Variants in ZNF143 observed in about 807,000 individuals in gnomAD.
ZNF143 encodes zinc finger protein 143.
Under a neutral mutation model 74.1 loss-of-function variants are expected in ZNF143, and 49 were observed. That is an observed-to-expected ratio of 0.66 (90% CI 0.53 to 0.84). ZNF143 has a LOEUF of 0.84. Among genes scored for constraint, ZNF143 ranks in the 40% least tolerant of loss-of-function variants. ZNF143 has a pLI of 0.00. For missense variants in ZNF143, 637 were observed against 793.4 expected (o/e 0.80, Z 2.37); for synonymous variants, 304 against 282.8 (o/e 1.07, Z -0.75).
chr11:9,465,335 C>T (rs910953614), intron 1 of ZNF143, among the ~76,000 whole-genome samples: 1 of 151,736 alleles, frequency 6.6e-6, no homozygotes, highest in Non-Finnish European at 1.5e-5. Context: ...TACAGAAGCA[C>T]GCCACCATGC....
intron 7 of ZNF143, among the ~76,000 whole-genome samples, chr11:9,486,213 TG>T (rs1413998078): frequency 2.7e-5 from 4 of 146,158 alleles, no homozygotes; most frequent in African/African-American, 1.0e-4. Context: ...TAAATGCAAC[TG>T]CTCAATAAAT....
chr11:9,473,752 A>G lies in ZNF143; in HGVS notation c.206-189A>G, dbSNP rs891434025. On this transcript the variant is annotated intron_variant, in intron 3 of 15. Transcript: ENST00000396602. Reference sequence around the variant, plus strand: ...AATTGCAGGGGAGGAAGGATGGCTGAGGGAGGATTTTCTGCTTTCTGTAGG... The same window carrying G: ...AATTGCAGGGGAGGAAGGATGGCTGGGGGAGGATTTTCTGCTTTCTGTAGG... 10 of 1,519,460 alleles carry G rather than the reference A, an allele frequency of 6.6e-6. No individual in the cohort carries two copies. In the African/African-American group the frequency reaches 1.4e-4, roughly 21 times the overall value. The allele number at this position is 1,519,460 out of a possible 1,614,324, so 94.1% of individuals were successfully genotyped here.
chr11:9,485,321 C>A (rs1847426890), intron 7 of ZNF143, among the ~76,000 whole-genome samples: 1 of 137,366 alleles, frequency 7.3e-6, no homozygotes, highest in South Asian at 2.3e-4. Flanking sequence ...TAGAAATCTG[C>A]TTTGTTGTTG....
rs1348539442 is a variant in ZNF143 at position 9,478,601 on chromosome 11, A to T, written c.570+15A>T. On this transcript the variant is annotated intron_variant, in intron 6 of 15. Transcript: ENST00000396602. The stretch of plus-strand genomic sequence containing the variant: ...ATGCAGCAAAGGTATAGCATTTCAC[A>T]ATGTCAAGAATGTTGCAGATATAGC... 1.3e-6 allele frequency: 2 copies of T among 1,591,472 alleles called. No homozygotes were observed. The highest frequency in any genetic ancestry group is 3.4e-5 in the Admixed American group (2 of 59,376).
intron 14 of ZNF143, among the ~76,000 whole-genome samples, chr11:9,520,622 C>T (rs568483598): frequency 6.6e-6 from 1 of 152,122 alleles, no homozygotes; most frequent in Admixed American, 6.5e-5. Context: ...GAAACCCTGG[C>T]TCTACTAAAA....
rs766605120 is a variant in ZNF143 at position 9,474,004 on chromosome 11, A to G, written c.269A>G (p.His90Arg). 1.9e-6 allele frequency: 3 copies of G among 1,613,360 alleles called. No individual in the cohort carries two copies. Among genetic ancestry groups the G allele is most frequent in the Non-Finnish European group, 2.5e-6 (3 of 1,179,480 alleles). ...GATGGTTCTGCGGCCTATGTTCAACATGTACCCATACCTAAAAGTAGTAAG... is the reference window on the plus strand; with the variant it reads ...GATGGTTCTGCGGCCTATGTTCAACGTGTACCCATACCTAAAAGTAGTAAG... ...LEDGSAAYVQHVPIPKSTGDS... is the reference protein window; with the variant it reads ...LEDGSAAYVQRVPIPKSTGDS... Residue 90 changes from histidine to arginine, a missense_variant, in exon 4 of 16, where the codon CAT (histidine) becomes CGT (arginine). His to Arg is a conservative substitution (Grantham distance 29, BLOSUM62 0). Transcript: ENST00000396602.
intron 11 of ZNF143, among the ~76,000 whole-genome samples, chr11:9,507,865 G>A (rs1421260709): frequency 3.3e-5 from 5 of 152,174 alleles, no homozygotes; most frequent in African/African-American, 1.2e-4. Context: ...GGAAGAAGGG[G>A]GAAATGGGTA....
At chr11:9,461,542 G>A (rs961693128) in intron 1 of ZNF143, 2 of 152,224 alleles carry the variant, frequency 1.3e-5, no homozygotes, top group South Asian at 4.1e-4. Context: ...GCCGGGGACA[G>A]GGCTGGCCCA....
intron 7 of ZNF143, among the ~76,000 whole-genome samples, chr11:9,484,544 T>C (rs971867813): frequency 2.7e-5 from 4 of 150,550 alleles, no homozygotes; most frequent in African/African-American, 9.9e-5. Context: ...TCTCTTTTTT[T>C]CTACCTCTAA....
chr11:9,485,624 G>A lies in ZNF143; in HGVS notation c.645+6078G>A, dbSNP rs977060468. The stretch of plus-strand genomic sequence containing the variant: ...GGCCTCCCAAAGATTATAGGCAGGA[G>A]CCACCGTGCCTGGCCTTGTTTTTGT... On this transcript the variant is annotated intron_variant, in intron 7 of 15. Coordinates refer to ENST00000396602, the MANE Select transcript of ZNF143 (RefSeq NM_003442.6). Among the ~76,000 whole-genome samples the A allele has an allele frequency of 1.8e-4, 27 of 151,498 alleles. 4 individuals carry two copies. Among genetic ancestry groups the A allele is most frequent in the African/African-American group, 6.6e-4 (27 of 40,838 alleles).
At chr11:9,518,482 G>A (rs2134225241) in intron 14 of ZNF143, among the ~76,000 whole-genome samples, 1 of 152,346 alleles carries the variant, frequency 6.6e-6, no homozygotes, top group East Asian at 1.9e-4. Flanking sequence ...GGAGGCCGAG[G>A]TGGGTGGATC....
chr11:9,520,713 C>T (rs956946862), intron 14 of ZNF143, among the ~76,000 whole-genome samples: 15 of 152,226 alleles, frequency 9.9e-5, no homozygotes, highest in African/African-American at 2.9e-4. Context: ...TGCTTGAACC[C>T]GGTAGGTGGA....
At position 9,478,281 on chromosome 11, in the gene ZNF143, G is replaced by A. The variant is rs76140415; in HGVS notation, c.374-109G>A. The A allele has an allele frequency of 2.2e-4, 245 of 1,109,206 alleles. 1 individual carries two copies. The African/African-American group carries it at 3.2e-3, about 14-fold the overall frequency. The allele number at this position is 1,109,206 out of a possible 1,614,324, so 68.7% of individuals were successfully genotyped here. On this transcript the variant is annotated intron_variant, in intron 5 of 15. Transcript: ENST00000396602. ...TAACACATATCAAGTGCGTGGTCCA[G>A]TACTCAGAGTAACTACTCAATAAAA...
At chr11:9,515,572 T>C (rs976813259) in intron 13 of ZNF143, among the ~76,000 whole-genome samples, 5 of 149,712 alleles carry the variant, frequency 3.3e-5, no homozygotes, top group Non-Finnish European at 7.4e-5. Flanking sequence ...GACAGTGGCA[T>C]GAACCCGGGA....
At chr11:9,521,461 T>A (rs1848923913) in intron 14 of ZNF143, among the ~76,000 whole-genome samples, 1 of 152,216 alleles carries the variant, frequency 6.6e-6, no homozygotes, top group South Asian at 2.1e-4. Context: ...TCTGTACTAT[T>A]TTCTGATAGT....
At chr11:9,487,312 C>T (rs976246954) in intron 7 of ZNF143, among the ~76,000 whole-genome samples, 2 of 151,524 alleles carry the variant, frequency 1.3e-5, no homozygotes, top group Admixed American at 1.3e-4. Context: ...ATGTATCTTG[C>T]ACAACGTTAC....
intron 5 of ZNF143, among the ~76,000 whole-genome samples, chr11:9,477,973 G>A (rs372712774): frequency 1.9e-4 from 29 of 152,286 alleles, no homozygotes; most frequent in East Asian, 5.8e-4. Context: ...ATACAGGCGC[G>A]TGCCACCGTG....
At position 9,473,980 on chromosome 11, in the gene ZNF143, A is replaced by G; in HGVS notation, c.245A>G (p.Asp82Gly). 1 of 1,614,142 alleles carries G rather than the reference A, an allele frequency of 6.2e-7. No individual in the cohort carries two copies. The highest frequency in any genetic ancestry group is 8.5e-7 in the Non-Finnish European group (1 of 1,180,010). The change falls in exon 4 of 16, where the codon GAT becomes GGT. Residue 82 changes from aspartate to glycine, a missense_variant. Asp to Gly is a moderately conservative substitution (Grantham distance 94). This residue lies in a region of ZNF143 where 293 missense variants were observed against 307.8 expected (regional missense o/e 0.95). Transcript: ENST00000396602. Reference protein sequence around the residue: ...LIDGQVIQLEDGSAAYVQHVP... With the variant: ...LIDGQVIQLEGGSAAYVQHVP... Reference sequence around the variant, plus strand: ...GATGGCCAGGTCATTCAGTTGGAAGATGGTTCTGCGGCCTATGTTCAACAT... The same window carrying G: ...GATGGCCAGGTCATTCAGTTGGAAGGTGGTTCTGCGGCCTATGTTCAACAT...
At chr11:9,464,274 G>A (rs2133811584) in intron 1 of ZNF143, among the ~76,000 whole-genome samples, 1 of 152,260 alleles carries the variant, frequency 6.6e-6, no homozygotes, top group South Asian at 2.1e-4. Flanking sequence ...TAGGACTACA[G>A]GTGCACGCCA....
Sources: allele counts gnomAD v4.1 joint callset (sites outside exome capture counted in the v4.1 genomes callset), GRCh38; gene constraint gnomAD v4.1.1; regional missense constraint gnomAD v4.1.1; transcripts MANE v1.5; gene names NCBI Gene and HGNC (gene_info 2026-07-23, HGNC 2026-07-21).